The following EIF2AK3 variants were observed in gnomAD, a reference collection of about 807,000 sequenced individuals.
EIF2AK3 encodes eukaryotic translation initiation factor 2-alpha kinase 3.
In EIF2AK3, 50 loss-of-function variants were observed where a neutral mutation model predicts 113.5. The ratio of observed to expected loss-of-function variants is 0.44; its 90% CI spans 0.35 to 0.56. EIF2AK3 has a LOEUF of 0.56. EIF2AK3 is among the 20% of genes least tolerant of loss of function. The pLI, the probability that EIF2AK3 is intolerant of heterozygous loss-of-function variation, is 0.00. For synonymous variants in EIF2AK3, 448 were observed against 495.4 expected (o/e 0.90, Z 1.27); for missense variants, 1,185 against 1,378.0 (o/e 0.86, Z 2.22).
chr2:88,598,622 GA>G (rs202244857), intron 2 of EIF2AK3, among the ~76,000 whole-genome samples: 18 of 145,612 alleles, frequency 1.2e-4, no homozygotes, highest in African/African-American at 2.5e-4. Flanking sequence ...AAAGGGCTGT[GA>G]AAAAAAAAAC....
intron 1 of EIF2AK3, among the ~76,000 whole-genome samples, chr2:88,624,116 C>T (rs555255568): frequency 1.5e-4 from 23 of 152,150 alleles, no homozygotes; most frequent in African/African-American, 5.3e-4. Context: ...CTCAGCCTCC[C>T]GAGTAGCTCG....
At chr2:88,578,805 T>C (rs1247291449) in intron 11 of EIF2AK3, among the ~76,000 whole-genome samples, 1 of 152,020 alleles carries the variant, frequency 6.6e-6, no homozygotes, top group African/African-American at 2.4e-5. Context: ...GAATCTATCC[T>C]AAGGAAATAG....
intron 2 of EIF2AK3, among the ~76,000 whole-genome samples, chr2:88,608,506 A>G (rs1275756707): frequency 6.6e-6 from 1 of 151,746 alleles, no homozygotes; most frequent in Non-Finnish European, 1.5e-5. Context: ...GCCTGCTACA[A>G]CTGGCCCTCT....
intron 11 of EIF2AK3, 146 bp from the exon 12 acceptor site, chr2:88,576,849 A>G: frequency 1.1e-6 from 1 of 886,424 alleles, no homozygotes; most frequent in Non-Finnish European, 1.7e-6. Context: ...ATTAGCCTGA[A>G]AAAGAGAGAA....
At chr2:88,606,477 T>G (rs1675282394) in intron 2 of EIF2AK3, among the ~76,000 whole-genome samples, 1 of 152,148 alleles carries the variant, frequency 6.6e-6, no homozygotes, top group Admixed American at 6.6e-5. Context: ...AGAAAAGCAA[T>G]TAACCCAGGC....
intron 2 of EIF2AK3, among the ~76,000 whole-genome samples, chr2:88,600,764 T>C (rs1367240768): frequency 2.0e-5 from 3 of 152,058 alleles, no homozygotes; most frequent in Admixed American, 1.3e-4. Context: ...TATGAGAAAA[T>C]AAAGGAAGTA....
chr2:88,590,150 G>A (rs542528876), intron 6 of EIF2AK3, among the ~76,000 whole-genome samples: 8 of 152,244 alleles, frequency 5.3e-5, no homozygotes, highest in African/African-American at 7.2e-5. Context: ...CAGGAGAATC[G>A]CTTGAACCCA....
At chr2:88,558,835 G>T in intron 16 of EIF2AK3, 82 bp downstream of exon 16, 1 of 1,139,384 alleles carries the variant, frequency 8.8e-7, no homozygotes, top group Non-Finnish European at 1.3e-6. Context: ...CTGTAAAATA[G>T]GGGAAACTGA....
At chr2:88,611,973 G>T (rs999627321) in intron 2 of EIF2AK3, among the ~76,000 whole-genome samples, 1 of 152,148 alleles carries the variant, frequency 6.6e-6, no homozygotes, top group East Asian at 1.9e-4. Context: ...TCTAGGATTG[G>T]GGGTGGGTGG....
At position 88,627,235 on chromosome 2, in the gene EIF2AK3, G is replaced by T; in HGVS notation, c.40C>A (p.Leu14Met). The stretch of plus-strand genomic sequence containing the variant: ...CCCAGCAGCAGCAGCAGCAGCAGCA[G>T]CGCCCGTACCAGCAGCCCCGGGCTG... The part of the protein sequence containing the change: ...AISPGLLVRA[L>M]LLLLLLLGLA... Residue 14 changes from leucine to methionine, a missense_variant, in exon 1 of 17, where the codon CTG becomes ATG. Leu to Met is a conservative substitution (Grantham distance 15). Transcript: ENST00000303236. The T allele has an allele frequency of 1.4e-6, 2 of 1,453,326 alleles. No homozygotes were observed. The highest frequency in any genetic ancestry group is 1.8e-6 in the Non-Finnish European group (2 of 1,111,478). 90.0% of individuals were successfully genotyped at this position (1,453,326 alleles called of 1,614,324 possible).
chr2:88,561,587 A>G (rs950361533), intron 15 of EIF2AK3, among the ~76,000 whole-genome samples: 1 of 152,180 alleles, frequency 6.6e-6, no homozygotes, highest in Non-Finnish European at 1.5e-5. Context: ...AATGACTTTC[A>G]GTCATCCCTA....
intron 13 of EIF2AK3, among the ~76,000 whole-genome samples, chr2:88,572,484 G>A (rs1287353233): frequency 6.6e-6 from 1 of 152,160 alleles, no homozygotes; most frequent in Non-Finnish European, 1.5e-5. Context: ...ATGGGTAGGT[G>A]TCCTTGGTTT....
chr2:88,567,260 G>A (rs144729653), intron 14 of EIF2AK3, among the ~76,000 whole-genome samples: 141 of 150,980 alleles, frequency 9.3e-4, no homozygotes, highest in African/African-American at 3.4e-3. Context: ...CCTTTCATGG[G>A]GATATTTAAA....
chr2:88,603,060 C>T (rs1440857115), intron 2 of EIF2AK3, among the ~76,000 whole-genome samples: 1 of 152,106 alleles, frequency 6.6e-6, no homozygotes, highest in East Asian at 1.9e-4. Context: ...ACTTTCCTAG[C>T]CATACTAGTT....
chr2:88,587,204 C>CAAAAA (rs780050125), intron 8 of EIF2AK3, among the ~76,000 whole-genome samples: 3 of 30,274 alleles, frequency 9.9e-5, no homozygotes, highest in African/African-American at 3.6e-4. Context: ...AACTCCATCT[C>CAAAAA]AAAAAAAAAA....
intron 2 of EIF2AK3, among the ~76,000 whole-genome samples, chr2:88,606,926 T>G (rs1675293145): frequency 6.6e-6 from 1 of 152,120 alleles, no homozygotes; most frequent in Non-Finnish European, 1.5e-5. Context: ...TTATCTAAGT[T>G]TAGACGATAG....
chr2:88,590,594 TG>T lies in EIF2AK3; in HGVS notation c.1013del (p.Pro338GlnfsTer31). 1 of 1,612,934 alleles carries T rather than the reference TG, an allele frequency of 6.2e-7. No homozygotes were observed. The highest frequency in any genetic ancestry group is 8.5e-7 in the Non-Finnish European group (1 of 1,179,908). On this transcript the variant is annotated frameshift_variant, in exon 6 of 17. Coordinates refer to ENST00000303236, the MANE Select transcript of EIF2AK3 (RefSeq NM_004836.7). LOFTEE classifies it high-confidence loss of function. ...HLEWEYQFCT[P>X]IASAWLLKDG... ...CCTTAAGTAACCAGGCAGATGCAAT[TG>T]GAGTACAAAACTAAACAAAAATGGA...
chr2:88,587,990 T>G lies in EIF2AK3; in HGVS notation c.1421A>C (p.Tyr474Ser), dbSNP rs1166606987. Reference protein sequence around the residue: ...YSNGALSILQYPYDNGYYLPY... With the variant: ...YSNGALSILQSPYDNGYYLPY... ...TCAGTATTTTCACTTACCATATGGA[T>G]ACTGCAAGATTGAAAGTGCACCATT... is the stretch of plus-strand genomic sequence containing the variant. Residue 474 changes from tyrosine (Y) to serine (S), a missense_variant, in exon 8 of 17, where the codon TAT (tyrosine) becomes TCT (serine). Coordinates refer to ENST00000303236, the MANE Select transcript of EIF2AK3 (RefSeq NM_004836.7). The G allele has an allele frequency of 6.4e-7, 1 of 1,572,746 alleles. No individual in the cohort carries two copies. Among genetic ancestry groups the G allele is most frequent in the Non-Finnish European group, 8.7e-7 (1 of 1,151,380 alleles).
At chr2:88,626,418 T>C (rs2103990761) in intron 1 of EIF2AK3, among the ~76,000 whole-genome samples, 1 of 152,236 alleles carries the variant, frequency 6.6e-6, no homozygotes, top group Admixed American at 6.5e-5. Flanking sequence ...AAAACTGGGG[T>C]AGGGCCTAGA....
Sources: allele counts gnomAD v4.1 joint callset (sites outside exome capture counted in the v4.1 genomes callset), GRCh38; gene constraint gnomAD v4.1.1; transcripts MANE v1.5; gene names NCBI Gene and HGNC (gene_info 2026-07-23, HGNC 2026-07-21).